SVIL: variants seen among roughly 807,000 people sequenced by gnomAD.
SVIL encodes the protein supervillin.
In SVIL, 101 loss-of-function variants were observed where a neutral mutation model predicts 240.4. That is an observed-to-expected ratio of 0.42 (90% confidence interval 0.36 to 0.50). SVIL has a LOEUF of 0.50. Among genes scored for constraint, SVIL ranks in the 20% least tolerant of loss-of-function variants. The pLI is 0.01. For missense variants in SVIL, 2,512 were observed against 2,818.7 expected (o/e 0.89, Z 2.46); for synonymous variants, 999 against 1,100.0 (o/e 0.91, Z 1.82).
chr10:29,593,149 A>T (rs919132381), intron 1 of SVIL, among the ~76,000 whole-genome samples: 2 of 151,242 alleles, frequency 1.3e-5, no homozygotes, highest in Non-Finnish European at 2.9e-5. Flanking sequence ...GTTAGAGAAT[A>T]CTTGTTGAAA....
chr10:29,517,577 G>A (rs776293739), intron 16 of SVIL, among the ~76,000 whole-genome samples: 1 of 152,248 alleles, frequency 6.6e-6, no homozygotes. Flanking sequence ...GTGGAGACAG[G>A]GAGACAGCCT....
chr10:29,544,909 A>G (rs1952504244), intron 6 of SVIL: 1 of 489,520 alleles, frequency 2.0e-6, no homozygotes, highest in East Asian at 5.7e-5. Context: ...GGGTACAGGG[A>G]CTGAAAGGTG....
In SVIL at chr10:29,532,013, C is replaced by G. The variant is rs897258083; in HGVS notation, c.1998G>C (p.Lys666Asn). The G allele has an allele frequency of 5.0e-6, 8 of 1,614,080 alleles. No homozygotes were observed. The highest frequency in any genetic ancestry group is 6.8e-6 in the Non-Finnish European group (8 of 1,180,034). Reference protein sequence around the residue: ...RTQPITSAERKESDRCTSHSE... With the variant: ...RTQPITSAERNESDRCTSHSE... ...ATACGCATGCCTACCTATCCGATTC[C>G]TTTCGTTCTGCTGAAGTTATAGGTT... The change falls in exon 9 of 38, where the codon AAG (lysine) becomes AAC (asparagine). Residue 666 changes from lysine to asparagine, a missense_variant. Physicochemically the swap from Lys to Asn is moderately conservative, Grantham distance 94. Transcript: ENST00000355867.
intron 1 of SVIL, among the ~76,000 whole-genome samples, chr10:29,599,124 A>G (rs1956714034): frequency 6.6e-6 from 1 of 152,178 alleles, no homozygotes; most frequent in Non-Finnish European, 1.5e-5. Flanking sequence ...CTTTAGAAAC[A>G]TTTGATCATG....
intron 30 of SVIL, chr10:29,473,427 T>C (rs1945814798): frequency 1.5e-5 from 3 of 203,222 alleles, no homozygotes; most frequent in East Asian, 1.6e-4. Context: ...ACCCAAAACA[T>C]AGCATCCTCA....
At chr10:29,678,924 G>A (rs746651334) in intron 2 of SVIL, among the ~76,000 whole-genome samples, 2 of 152,090 alleles carry the variant, frequency 1.3e-5, no homozygotes, top group Non-Finnish European at 2.9e-5. Flanking sequence ...ACACCTGGGT[G>A]GCCAGGCACA....
At chr10:29,524,947 T>C (rs1950800231) in intron 13 of SVIL, among the ~76,000 whole-genome samples, 1 of 152,090 alleles carries the variant, frequency 6.6e-6, no homozygotes, top group South Asian at 2.1e-4. Flanking sequence ...CCGAATTATT[T>C]CTACAAAACG....
At chr10:29,696,255 T>C (rs1420146257) in intron 1 of SVIL, among the ~76,000 whole-genome samples, 1 of 151,890 alleles carries the variant, frequency 6.6e-6, no homozygotes, top group Non-Finnish European at 1.5e-5. Context: ...CACTTAGTGC[T>C]CAATGGTGCC....
Position 29,458,378 on chromosome 10 carries a change from C to G in SVIL, c.6559-45G>C, listed in dbSNP as rs190061943. ...CGCCCCGCGGCTCAGTGAAAGGAGCCGGGCGTGCGTGTGTTGTTTTACTCC... is the reference window on the plus strand; with the variant it reads ...CGCCCCGCGGCTCAGTGAAAGGAGCGGGGCGTGCGTGTGTTGTTTTACTCC... On this transcript the variant is annotated intron_variant, in intron 37 of 37. Coordinates refer to ENST00000355867, the MANE Select transcript of SVIL (RefSeq NM_021738.3). 3.7e-6 allele frequency: 6 copies of G among 1,608,306 alleles called. No homozygotes were observed. In the East Asian group the frequency reaches 1.4e-4, roughly 36 times the overall value.
rs58593539 is a variant in SVIL, at chr10:29,585,315, G to T, written c.-200-16003C>A. 3.3e-3 allele frequency among the ~76,000 whole-genome samples: 508 copies of T among 151,968 alleles called. 5 individuals are homozygous for T. Among genetic ancestry groups the T allele is most frequent in the African/African-American group, 0.012 (486 of 41,466 alleles). On this transcript the variant is annotated intron_variant, in intron 1 of 37. Transcript: ENST00000355867. ...GGGCTCAAGTGATCTACCTGCCTTG[G>T]CCCCACAAAGTGCAGATATTACAGG...
chr10:29,511,017 G>A (rs922246541), intron 17 of SVIL, among the ~76,000 whole-genome samples: 1 of 132,462 alleles, frequency 7.5e-6, no homozygotes, highest in African/African-American at 3.0e-5. Flanking sequence ...AGGGAAGCAG[G>A]CCACTGAGAA....
At chr10:29,564,423 G>C (rs1954788563) in intron 2 of SVIL, among the ~76,000 whole-genome samples, 1 of 152,152 alleles carries the variant, frequency 6.6e-6, no homozygotes, top group African/African-American at 2.4e-5. Context: ...TGCCTCGAAG[G>C]AAGAAAACAA....
chr10:29,550,924 T>C lies in SVIL; in HGVS notation c.500A>G (p.Tyr167Cys), dbSNP rs551673896. 4.3e-6 allele frequency: 7 copies of C among 1,613,934 alleles called. No homozygotes were observed. In the East Asian group the frequency reaches 1.3e-4, roughly 31 times the overall value. Residue 167 changes from tyrosine (Y) to cysteine (C), a missense_variant, in exon 6 of 38, where the codon TAC becomes TGC. This residue lies in a region of SVIL where 1,443 missense variants were observed against 1,486.6 expected (regional missense o/e 0.97). Coordinates refer to ENST00000355867, the MANE Select transcript of SVIL (RefSeq NM_021738.3). ...GAGCCCCATCGTCTCGGTCCCGGGG[T>C]ACAGAGAACTAGCATCTCTGCTTGA... ...EESSRDASSLYPGTETMGLRT... is the reference protein window; with the variant it reads ...EESSRDASSLCPGTETMGLRT...
intron 1 of SVIL, among the ~76,000 whole-genome samples, chr10:29,571,419 A>G (rs1465921363): frequency 1.3e-5 from 2 of 152,202 alleles, no homozygotes. Flanking sequence ...GGACACACAT[A>G]CAAAGAAAAA....
chr10:29,527,440 T>C (rs1951005649), intron 12 of SVIL, among the ~76,000 whole-genome samples: 2 of 152,194 alleles, frequency 1.3e-5, no homozygotes. Context: ...TTCTTTTTCT[T>C]TTTTGGAGAT....
At position 29,523,658 on chromosome 10, in the gene SVIL, C is replaced by G; in HGVS notation, c.2956G>C (p.Asp986His). The G allele has an allele frequency of 6.2e-7, 1 of 1,614,082 alleles. No homozygotes were observed. Among genetic ancestry groups the G allele is most frequent in the Non-Finnish European group, 8.5e-7 (1 of 1,179,966 alleles). The change falls in exon 15 of 38, where the codon GAC (aspartate) becomes CAC (histidine). Residue 986 changes from aspartate to histidine, a missense_variant. By Grantham distance (81) the Asp-to-His change is moderately conservative. Coordinates refer to ENST00000355867, the MANE Select transcript of SVIL (RefSeq NM_021738.3). The stretch of plus-strand genomic sequence containing the variant: ...GCATATTTAGATTCCTTATGGCTGT[C>G]TCCTTCCCTGGCTCGGTTCAGGATG... ...YPILNRAREG[D>H]SHKESKYAVP...
At chr10:29,625,462 T>C (rs909297215) in intron 1 of SVIL, among the ~76,000 whole-genome samples, 18 of 150,826 alleles carry the variant, frequency 1.2e-4, no homozygotes, top group Admixed American at 9.2e-4. Context: ...CATATATATA[T>C]ATTTTTTTTC....
At chr10:29,662,774 C>T (rs549702752) in intron 2 of SVIL, among the ~76,000 whole-genome samples, 11 of 144,832 alleles carry the variant, frequency 7.6e-5, no homozygotes, top group East Asian at 4.0e-4. Context: ...TGTATGTGCG[C>T]GCGTACACAC....
intron 1 of SVIL, among the ~76,000 whole-genome samples, chr10:29,694,786 G>A (rs756183491): frequency 1.7e-4 from 26 of 152,128 alleles, no homozygotes; most frequent in Non-Finnish European, 3.2e-4. Flanking sequence ...TAACCAAAGG[G>A]GAAAAGGAAA....
Sources: allele counts gnomAD v4.1 joint callset (sites outside exome capture counted in the v4.1 genomes callset), GRCh38; gene constraint gnomAD v4.1.1; regional missense constraint gnomAD v4.1.1; transcripts MANE v1.5; gene names NCBI Gene and HGNC (gene_info 2026-07-23, HGNC 2026-07-21).